TNS3: variants seen among roughly 807,000 people sequenced by gnomAD.
TNS3 encodes tensin 3.
TNS3 carries 45 observed loss-of-function variants against 140.9 expected under a neutral mutation model. The ratio of observed to expected loss-of-function variants is 0.32; its 90% CI spans 0.25 to 0.41. TNS3 has a LOEUF of 0.41. Ranked by LOEUF, TNS3 falls within the 10% of genes least tolerant of loss-of-function variation. The pLI is 1.00. For synonymous variants in TNS3, 815 were observed against 788.4 expected (o/e 1.03, Z -0.56); for missense variants, 1,716 against 1,906.7 (o/e 0.90, Z 1.86).
intron 5 of TNS3, among the ~76,000 whole-genome samples, chr7:47,440,014 G>A (rs1795385049): frequency 6.6e-6 from 1 of 152,178 alleles, no homozygotes; most frequent in South Asian, 2.1e-4. Context: ...GCAGGAACAG[G>A]GTTCCAGGCG....
intron 1 of TNS3, among the ~76,000 whole-genome samples, chr7:47,541,990 G>A (rs555465419): frequency 6.6e-6 from 1 of 151,848 alleles, no homozygotes; most frequent in Admixed American, 6.6e-5. Flanking sequence ...GTCTCAGAGA[G>A]GCAATGGGAG....
intron 1 of TNS3, among the ~76,000 whole-genome samples, chr7:47,556,088 C>T (rs1350847773): frequency 6.6e-6 from 1 of 152,208 alleles, no homozygotes; most frequent in Non-Finnish European, 1.5e-5. Context: ...CTTACATACA[C>T]ACATACGCAT....
intron 1 of TNS3, among the ~76,000 whole-genome samples, chr7:47,538,662 G>A (rs920540463): frequency 6.6e-6 from 1 of 152,152 alleles, no homozygotes. Context: ...TGCAGTAGAA[G>A]AGCAAAGCTG....
chr7:47,435,886 A>C (rs1286361116), intron 7 of TNS3, among the ~76,000 whole-genome samples: 1 of 152,160 alleles, frequency 6.6e-6, no homozygotes. Context: ...TCAAAACTCT[A>C]ATTAAGTTTG....
intron 8 of TNS3, among the ~76,000 whole-genome samples, chr7:47,434,647 C>T (rs745902481): frequency 6.6e-6 from 1 of 152,172 alleles, no homozygotes; most frequent in Non-Finnish European, 1.5e-5. Flanking sequence ...GAGGAAAGAT[C>T]CCAGGAGGTG....
intron 13 of TNS3, among the ~76,000 whole-genome samples, chr7:47,409,656 A>ATTTTTTTTT (rs1314338489): frequency 2.0e-5 from 3 of 150,018 alleles, no homozygotes; most frequent in African/African-American, 7.5e-5. Context: ...CTCTTGGCCT[A>ATTTTTTTTT]TTCTTTTTTT....
At chr7:47,389,359 G>T (rs1368011104) in intron 16 of TNS3, among the ~76,000 whole-genome samples, 2 of 152,180 alleles carry the variant, frequency 1.3e-5, no homozygotes, top group Non-Finnish European at 2.9e-5. Context: ...CCGACTGGGG[G>T]TTGGGAGGAC....
chr7:47,569,640 G>C (rs1300301490), intron 1 of TNS3, among the ~76,000 whole-genome samples: 1 of 152,020 alleles, frequency 6.6e-6, no homozygotes, highest in Non-Finnish European at 1.5e-5. Context: ...GATCACCTGA[G>C]ATCATGAGTT....
chr7:47,439,598 C>G lies in TNS3; in HGVS notation c.39G>C (p.Thr13=). The change falls in exon 6 of 31, where the codon ACG becomes ACC. Residue 13 remains threonine (T), a synonymous_variant. Coordinates refer to ENST00000311160, the MANE Select transcript of TNS3 (RefSeq NM_022748.12). ...GGAAGGACACAGCGATGATGCGCTC[C>G]GTGATGTAAGTGAGGTCCAGCCCAT... ...EGHGLDLTYI[T]ERIIAVSFPA... is the part of the protein sequence containing the mutation. 1 of 1,614,018 alleles carries G rather than the reference C, an allele frequency of 6.2e-7. No individual in the cohort carries two copies.
At chr7:47,569,282 C>T (rs1426854599) in intron 1 of TNS3, among the ~76,000 whole-genome samples, 3 of 152,152 alleles carry the variant, frequency 2.0e-5, no homozygotes, top group Non-Finnish European at 4.4e-5. Context: ...GTGGCTCACG[C>T]CTGTAATCCG....
chr7:47,300,235 C>G (rs1010469615), intron 23 of TNS3, among the ~76,000 whole-genome samples: 1 of 152,072 alleles, frequency 6.6e-6, no homozygotes, highest in Non-Finnish European at 1.5e-5. Flanking sequence ...GACTCTGACA[C>G]GGGCAGTAGA....
intron 20 of TNS3, among the ~76,000 whole-genome samples, chr7:47,336,958 C>T (rs1209841041): frequency 6.6e-6 from 1 of 152,286 alleles, no homozygotes; most frequent in South Asian, 2.1e-4. Flanking sequence ...TGGCCTTCCA[C>T]GTCCAACCGT....
intron 16 of TNS3, among the ~76,000 whole-genome samples, chr7:47,373,873 G>A (rs573591555): frequency 5.0e-4 from 76 of 152,296 alleles, no homozygotes; most frequent in South Asian, 4.4e-3. Context: ...ACAAGCAAAC[G>A]AAGAACAATC....
At chr7:47,574,660 C>T (rs1800635941) in intron 1 of TNS3, among the ~76,000 whole-genome samples, 1 of 151,952 alleles carries the variant, frequency 6.6e-6, no homozygotes, top group South Asian at 2.1e-4. Flanking sequence ...CCCACACACA[C>T]GGTATTATTC....
At chr7:47,554,028 C>T (rs968121145) in intron 1 of TNS3, among the ~76,000 whole-genome samples, 1 of 151,136 alleles carries the variant, frequency 6.6e-6, no homozygotes, top group Non-Finnish European at 1.5e-5. Context: ...TGGTCTCGAA[C>T]GCCTGACCTC....
intron 6 of TNS3, among the ~76,000 whole-genome samples, chr7:47,438,199 G>A (rs1017380023): frequency 2.0e-5 from 3 of 152,200 alleles, no homozygotes; most frequent in African/African-American, 4.8e-5. Flanking sequence ...TGACAAGGGG[G>A]GGCGCTGCTT....
At chr7:47,579,984 G>T in intron 1 of TNS3, 1 of 252,002 alleles carries the variant, frequency 4.0e-6, no homozygotes, top group Non-Finnish European at 6.1e-6. Context: ...CAAAACATTA[G>T]GTGCCAAAGA....
chr7:47,282,604 G>A (rs1333526934), intron 28 of TNS3, among the ~76,000 whole-genome samples: 1 of 152,200 alleles, frequency 6.6e-6, no homozygotes, highest in Non-Finnish European at 1.5e-5. Flanking sequence ...CTTGCTGAGT[G>A]CCCTTTTCAT....
chr7:47,563,679 G>C (rs1800363639), intron 1 of TNS3, among the ~76,000 whole-genome samples: 2 of 152,174 alleles, frequency 1.3e-5, no homozygotes, highest in South Asian at 4.1e-4. Context: ...GACAGCCCTG[G>C]GTTGAGGCCA....
Sources: gnomAD v4.1 joint callset for allele counts (sites outside exome capture counted in the v4.1 genomes callset) on GRCh38, gnomAD v4.1.1 for gene constraint, MANE v1.5 for transcripts, NCBI Gene and HGNC (gene_info 2026-07-23, HGNC 2026-07-21) for gene names.